The following LAMC1 variants were observed in gnomAD, a reference collection of about 807,000 sequenced individuals.
The protein encoded by LAMC1 is laminin subunit gamma-1.
LAMC1 carries 38 observed loss-of-function variants against 173.6 expected under a neutral mutation model. The ratio of observed to expected loss-of-function variants is 0.22; its 90% confidence interval spans 0.17 to 0.29. The LOEUF is 0.29. Ranked by LOEUF, LAMC1 falls within the 10% of genes least tolerant of loss-of-function variation. The probability of loss-of-function intolerance (pLI) is 1.00; values close to 1 mark genes in which losing one functional copy is unlikely to be tolerated. For synonymous variants in LAMC1, 746 were observed against 749.1 expected (o/e 1.00, Z 0.07); for missense variants, 1,824 against 2,051.8 (o/e 0.89, Z 2.14).
chr1:183,122,396 T>C (rs1656502498), intron 13 of LAMC1, 145 bp downstream of exon 13: 1 of 722,802 alleles, frequency 1.4e-6, no homozygotes, highest in Admixed American at 2.8e-5. Context: ...AGGCTCACTC[T>C]CCTTGTTTCC....
At chr1:183,079,019 TAAG>T (rs548121901) in intron 1 of LAMC1, among the ~76,000 whole-genome samples, 30 of 151,848 alleles carry the variant, frequency 2.0e-4, no homozygotes, top group South Asian at 6.2e-4. Flanking sequence ...ATATTGGAAA[TAAG>T]GAGGAGTGAA....
chr1:183,081,254 C>T (rs552973917), intron 1 of LAMC1, among the ~76,000 whole-genome samples: 30 of 152,224 alleles, frequency 2.0e-4, no homozygotes, highest in Non-Finnish European at 3.8e-4. Context: ...GTTCAGTTGG[C>T]TTCTAAAACA....
rs141408335 is a variant in LAMC1 at position 183,131,377 on chromosome 1, C to T, written c.3565C>T (p.Arg1189Cys). 8.1e-5 allele frequency: 130 copies of T among 1,608,958 alleles called. No individual in the cohort carries two copies. Among genetic ancestry groups the T allele is most frequent in the Non-Finnish European group, 9.8e-5 (115 of 1,177,096 alleles). The change falls in exon 20 of 28, where the codon CGT becomes TGT. Residue 1189 changes from arginine (R) to cysteine (C), a missense_variant and splice_region_variant. Coordinates refer to ENST00000258341, the MANE Select transcript of LAMC1 (RefSeq NM_002293.4). ...AGAAGAGGCTCGAAAGCTTGCTGAA[C>T]GGTAACTTCTAGATCCCTGTTTAAT... is the stretch of plus-strand genomic sequence containing the variant. ...LAEEARKLAE[R>C]HKQEADDIVR...
At chr1:183,049,576 G>C (rs1031208622) in intron 1 of LAMC1, among the ~76,000 whole-genome samples, 23 of 151,664 alleles carry the variant, frequency 1.5e-4, no homozygotes, top group African/African-American at 5.3e-4. Flanking sequence ...CAATTCTCCT[G>C]CCTCAGCCTC....
chr1:183,063,783 A>G (rs1654798648), intron 1 of LAMC1, among the ~76,000 whole-genome samples: 1 of 152,192 alleles, frequency 6.6e-6, no homozygotes, highest in Non-Finnish European at 1.5e-5. Context: ...TCAAATACAG[A>G]GGGTGCTTTT....
At chr1:183,079,230 TG>T (rs1655198103) in intron 1 of LAMC1, among the ~76,000 whole-genome samples, 6 of 132,904 alleles carry the variant, frequency 4.5e-5, no homozygotes, top group African/African-American at 1.4e-4. Context: ...ATCTCTAATC[TG>T]GTTTTTTTTT....
At chr1:183,025,694 G>T (rs1388270809) in intron 1 of LAMC1, among the ~76,000 whole-genome samples, 1 of 152,162 alleles carries the variant, frequency 6.6e-6, no homozygotes, top group Non-Finnish European at 1.5e-5. Flanking sequence ...AAGTTTCTGT[G>T]TTCAAGTTTG....
chr1:183,096,239 A>G (rs1571436818), intron 1 of LAMC1, among the ~76,000 whole-genome samples: 3 of 152,318 alleles, frequency 2.0e-5, no homozygotes, highest in East Asian at 1.9e-4. Flanking sequence ...TTGATACTTC[A>G]TCGAAAAATC....
intron 4 of LAMC1, among the ~76,000 whole-genome samples, chr1:183,114,220 C>T (rs889326769): frequency 6.6e-6 from 1 of 152,212 alleles, no homozygotes; most frequent in Non-Finnish European, 1.5e-5. Flanking sequence ...CAGGCATCTG[C>T]TACCACACCC....
At chr1:183,101,310 A>T (rs906524474) in intron 1 of LAMC1, among the ~76,000 whole-genome samples, 54 of 152,082 alleles carry the variant, frequency 3.6e-4, no homozygotes, top group Non-Finnish European at 6.8e-4. Flanking sequence ...ACTGTACTAT[A>T]ACCTCGCCCT....
intron 1 of LAMC1, among the ~76,000 whole-genome samples, chr1:183,099,021 T>C (rs1044499624): frequency 3.9e-5 from 6 of 152,326 alleles, no homozygotes; most frequent in African/African-American, 1.4e-4. Context: ...TCCTCTTCTT[T>C]AGGCAGACTA....
chr1:183,070,848 G>T (rs968680915), intron 1 of LAMC1, among the ~76,000 whole-genome samples: 3 of 152,036 alleles, frequency 2.0e-5, no homozygotes, highest in African/African-American at 7.3e-5. Flanking sequence ...CAGTGGGTAG[G>T]GATGAGTTCA....
chr1:183,067,681 A>T (rs10797831), intron 1 of LAMC1, among the ~76,000 whole-genome samples: 1 of 151,838 alleles, frequency 6.6e-6, no homozygotes, highest in East Asian at 1.9e-4. Context: ...TAGTAGAGAT[A>T]GGGTTTTACT....
intron 1 of LAMC1, among the ~76,000 whole-genome samples, chr1:183,097,909 T>A (rs560744652): frequency 3.3e-5 from 5 of 152,242 alleles, no homozygotes; most frequent in Admixed American, 3.3e-4. Context: ...AAGCTAAACA[T>A]TTTTTTGGTG....
chr1:183,128,616 T>C lies in LAMC1; in HGVS notation c.3146T>C (p.Leu1049Pro), dbSNP rs371861252. 2.2e-5 allele frequency: 36 copies of C among 1,610,894 alleles called. No homozygotes were observed. Among genetic ancestry groups the C allele is most frequent in the Non-Finnish European group, 3.0e-5 (35 of 1,178,042 alleles). The change falls in exon 18 of 28, where the codon CTC (leucine) becomes CCC (proline). Residue 1049 changes from leucine to proline, a missense_variant. Leu to Pro is a moderately conservative substitution (Grantham distance 98). Coordinates refer to ENST00000258341, the MANE Select transcript of LAMC1 (RefSeq NM_002293.4). ...TAGGTTGCTGATCATAGAGTGAAGC[T>C]CCAGGAATTAGAGAGTCTCATAGCA... ...KDKVADHRVK[L>P]QELESLIANL...
chr1:183,118,867 G>C (rs189995919), intron 11 of LAMC1, among the ~76,000 whole-genome samples: 1 of 152,056 alleles, frequency 6.6e-6, no homozygotes, highest in East Asian at 1.9e-4. Context: ...GAATGATTTT[G>C]TTATAATTTT....
At chr1:183,055,786 TG>T (rs1430352622) in intron 1 of LAMC1, among the ~76,000 whole-genome samples, 1 of 151,558 alleles carries the variant, frequency 6.6e-6, no homozygotes, top group African/African-American at 2.4e-5. Context: ...CACTTCAGCC[TG>T]GGCAACAGAG....
chr1:183,085,174 C>T (rs371885788), intron 1 of LAMC1, among the ~76,000 whole-genome samples: 35 of 151,134 alleles, frequency 2.3e-4, no homozygotes, highest in African/African-American at 6.6e-4. Flanking sequence ...GCTGAGATCA[C>T]GCCAGTGCCC....
chr1:183,053,327 C>G (rs1335560982), intron 1 of LAMC1, among the ~76,000 whole-genome samples: 4 of 152,144 alleles, frequency 2.6e-5, no homozygotes, highest in Admixed American at 2.6e-4. Flanking sequence ...CAAAGCAAGT[C>G]TAACCATTAT....
Sources: allele counts gnomAD v4.1 joint callset (sites outside exome capture counted in the v4.1 genomes callset), GRCh38; gene constraint gnomAD v4.1.1; transcripts MANE v1.5; gene names NCBI Gene and HGNC (gene_info 2026-07-23, HGNC 2026-07-21).